MEGF10: variants seen among roughly 807,000 people sequenced by gnomAD.
MEGF10 encodes multiple EGF like domains 10, also known as multiple epidermal growth factor-like domains protein 10.
In MEGF10, 86 loss-of-function variants were observed where a neutral mutation model predicts 147.5. The observed-to-expected ratio is 0.58, with a 90% confidence interval of 0.49 to 0.70. The LOEUF is 0.70. Among genes scored for constraint, MEGF10 ranks in the 30% least tolerant of loss-of-function variants. MEGF10 has a pLI of 0.00. For synonymous variants in MEGF10, 478 were observed against 525.5 expected, an observed-to-expected ratio of 0.91 and a Z score of 1.24; for missense variants, 1,329 against 1,487.3, an observed-to-expected ratio of 0.89 and a Z score of 1.75.
intron 18 of MEGF10, 112 bp from the exon 19 acceptor site, chr5:127,442,886 A>C: frequency 2.6e-6 from 3 of 1,154,044 alleles, no homozygotes; most frequent in Non-Finnish European, 3.7e-6. Flanking sequence ...AGTCAGCCTC[A>C]ATAGGAATCC....
intron 4 of MEGF10, among the ~76,000 whole-genome samples, chr5:127,359,540 C>T (rs1421762296): frequency 3.9e-5 from 6 of 152,072 alleles, no homozygotes; most frequent in Non-Finnish European, 8.8e-5. Context: ...CTCCTATCCA[C>T]CCCTCCCTGC....
the MEGF10 span, among the ~76,000 whole-genome samples, chr5:127,247,478 A>G: frequency 1.7e-4 from 26 of 150,052 alleles, no homozygotes; most frequent in Middle Eastern, 3.4e-3. Flanking sequence ...AAGAAGAAGA[A>G]GAAGAAGAAA....
chr5:127,276,872 G>A, the MEGF10 span, among the ~76,000 whole-genome samples: 1 of 152,170 alleles, frequency 6.6e-6, no homozygotes, highest in African/African-American at 2.4e-5. Context: ...GATCAGGTGT[G>A]TTGGGGAAGG....
intron 5 of MEGF10, among the ~76,000 whole-genome samples, chr5:127,393,626 G>A (rs968165732): frequency 5.3e-5 from 8 of 152,128 alleles, no homozygotes; most frequent in Non-Finnish European, 1.2e-4. Flanking sequence ...GGCATTTTAG[G>A]AAAATATAGC....
intron 9 of MEGF10, among the ~76,000 whole-genome samples, chr5:127,417,370 A>G (rs1764815885): frequency 6.6e-6 from 1 of 152,236 alleles, no homozygotes; most frequent in African/African-American, 2.4e-5. Flanking sequence ...ATTTAAGAGA[A>G]TTAAAAAGAA....
chr5:127,254,875 C>A, the MEGF10 span, among the ~76,000 whole-genome samples: 3 of 151,042 alleles, frequency 2.0e-5, no homozygotes, highest in Admixed American at 1.3e-4. Context: ...GTTCTTTTTG[C>A]CCCCTGCACA....
chr5:127,265,252 C>G, the MEGF10 span, among the ~76,000 whole-genome samples: 1 of 151,756 alleles, frequency 6.6e-6, no homozygotes, highest in Non-Finnish European at 1.5e-5. Flanking sequence ...TGAACTTATC[C>G]TTTTTTTTCT....
At chr5:127,296,614 C>G (rs1033854649) in intron 1 of MEGF10, among the ~76,000 whole-genome samples, 3 of 152,214 alleles carry the variant, frequency 2.0e-5, no homozygotes, top group African/African-American at 7.2e-5. Context: ...ACAGATTTGG[C>G]TGTTTCTCAA....
chr5:127,363,117 A>C (rs1762535296), intron 4 of MEGF10, among the ~76,000 whole-genome samples: 1 of 152,126 alleles, frequency 6.6e-6, no homozygotes, highest in South Asian at 2.1e-4. Flanking sequence ...CCTTTACTTA[A>C]AATGTATGGC....
At chr5:127,324,042 A>G (rs1333278714) in intron 1 of MEGF10, among the ~76,000 whole-genome samples, 2 of 152,190 alleles carry the variant, frequency 1.3e-5, no homozygotes, top group East Asian at 3.8e-4. Flanking sequence ...TTGGTTATAG[A>G]AGCCCACTTA....
At chr5:127,396,000 T>C (rs886824672) in intron 5 of MEGF10, among the ~76,000 whole-genome samples, 3 of 152,162 alleles carry the variant, frequency 2.0e-5, no homozygotes, top group African/African-American at 7.2e-5. Context: ...TGTTGCCATT[T>C]TTCCTGCTCC....
At chr5:127,419,502 A>G (rs568219088) in intron 11 of MEGF10, among the ~76,000 whole-genome samples, 61 of 152,202 alleles carry the variant, frequency 4.0e-4, no homozygotes, top group Non-Finnish European at 8.7e-4. Flanking sequence ...ACAAGCAGAC[A>G]TGTGTTCATG....
intron 1 of MEGF10, among the ~76,000 whole-genome samples, chr5:127,298,555 C>G (rs973545766): frequency 2.6e-5 from 4 of 152,134 alleles, no homozygotes; most frequent in African/African-American, 9.7e-5. Flanking sequence ...TCGGTAGGTG[C>G]GTAGTGGGGT....
At chr5:127,437,861 C>T (rs923343608) in intron 16 of MEGF10, among the ~76,000 whole-genome samples, 7 of 152,198 alleles carry the variant, frequency 4.6e-5, no homozygotes, top group Admixed American at 4.6e-4. Context: ...GCCTTGGGTC[C>T]TTTAACCTCT....
the MEGF10 span, among the ~76,000 whole-genome samples, chr5:127,254,261 A>T: frequency 6.6e-6 from 1 of 152,092 alleles, no homozygotes; most frequent in Non-Finnish European, 1.5e-5. Context: ...CCCCAACTCA[A>T]ATACACCCTA....
chr5:127,275,522 C>G, the MEGF10 span, among the ~76,000 whole-genome samples: 7 of 152,190 alleles, frequency 4.6e-5, no homozygotes, highest in African/African-American at 1.4e-4. Flanking sequence ...CCATGCTATG[C>G]CTTCTACTGC....
At chr5:127,249,184 A>T in the MEGF10 span, among the ~76,000 whole-genome samples, 1 of 152,080 alleles carries the variant, frequency 6.6e-6, no homozygotes, top group Non-Finnish European at 1.5e-5. Flanking sequence ...AATAGTAAAA[A>T]TGACAATAGC....
At chr5:127,346,809 C>T (rs1761912096) in intron 4 of MEGF10, among the ~76,000 whole-genome samples, 2 of 151,972 alleles carry the variant, frequency 1.3e-5, no homozygotes, top group South Asian at 2.1e-4. Context: ...GGTTGAGTAT[C>T]CAAAATGCTT....
the MEGF10 span, among the ~76,000 whole-genome samples, chr5:127,278,120 G>T: frequency 6.6e-6 from 1 of 152,124 alleles, no homozygotes; most frequent in Non-Finnish European, 1.5e-5. Flanking sequence ...TCCAATGACT[G>T]AGACCTGGGC....
Sources: allele counts gnomAD v4.1 joint callset (sites outside exome capture counted in the v4.1 genomes callset), GRCh38; gene constraint gnomAD v4.1.1; transcripts MANE v1.5; gene names NCBI Gene and HGNC (gene_info 2026-07-23, HGNC 2026-07-21).